The following SLC8A1 variants were observed in gnomAD, a reference collection of about 807,000 sequenced individuals.
SLC8A1 encodes the protein solute carrier family 8 member A1.
SLC8A1 carries 18 observed loss-of-function variants against 68.3 expected under a neutral mutation model. That is an observed-to-expected ratio of 0.26 (90% confidence interval 0.18 to 0.39). The LOEUF (loss-of-function observed/expected upper bound fraction) is 0.39, where lower values mean the gene tolerates loss of function less well. Ranked by LOEUF, SLC8A1 falls within the 10% of genes least tolerant of loss-of-function variation. The probability of loss-of-function intolerance (pLI) is 1.00; values close to 1 mark genes in which losing one functional copy is unlikely to be tolerated. For synonymous variants in SLC8A1, 475 were observed against 415.5 expected, an observed-to-expected ratio of 1.14 and a Z score of -1.74; for missense variants, 985 against 1,156.7, an observed-to-expected ratio of 0.85 and a Z score of 2.15.
chr2:40,145,191 T>G (rs902295703), intron 6 of SLC8A1, among the ~76,000 whole-genome samples: 4 of 134,320 alleles, frequency 3.0e-5, no homozygotes, highest in African/African-American at 1.2e-4. Flanking sequence ...AATATTTTTC[T>G]TTCTCTGTCT....
At chr2:40,270,390 G>T (rs1403989708) in intron 2 of SLC8A1, among the ~76,000 whole-genome samples, 3 of 152,222 alleles carry the variant, frequency 2.0e-5, no homozygotes, top group African/African-American at 7.2e-5. Context: ...TCTGACACAG[G>T]TCTTACTAGG....
chr2:40,384,742 T>A (rs762420978), intron 2 of SLC8A1, among the ~76,000 whole-genome samples: 5 of 152,112 alleles, frequency 3.3e-5, no homozygotes, highest in Non-Finnish European at 7.4e-5. Flanking sequence ...CCAAAAAATA[T>A]TTAAAAACCT....
chr2:40,378,063 C>T (rs577037046), intron 2 of SLC8A1, among the ~76,000 whole-genome samples: 4 of 152,168 alleles, frequency 2.6e-5, no homozygotes, highest in East Asian at 1.9e-4. Context: ...GTATGCAATG[C>T]GTTGTTCTAG....
chr2:40,320,023 G>C (rs2074993644), intron 2 of SLC8A1, among the ~76,000 whole-genome samples: 1 of 151,976 alleles, frequency 6.6e-6, no homozygotes, highest in South Asian at 2.1e-4. Context: ...ATAGAATGAT[G>C]GTCAAATGCC....
chr2:40,387,475 C>G lies in SLC8A1; in HGVS notation c.1808+40998G>C, dbSNP rs372594158. On this transcript the variant is annotated intron_variant, in intron 2 of 7. Transcript: ENST00000406785. ...TTGCAAAGCTAATTGAAACCAGATA[C>G]AAAACATCGCAGACAAACTACCTAA... is the stretch of plus-strand genomic sequence containing the variant. 3.3e-5 allele frequency among the ~76,000 whole-genome samples: 5 copies of G among 151,334 alleles called. No homozygotes were observed. The East Asian group carries it at 5.8e-4, about 18-fold the overall frequency.
At chr2:40,350,587 CAAAAAAAAAAAAAAAAA>C (rs572258156) in intron 2 of SLC8A1, among the ~76,000 whole-genome samples, 8 of 76,212 alleles carry the variant, frequency 1.0e-4, no homozygotes, top group Admixed American at 1.9e-4. Flanking sequence ...CCCAGACAAG[CAAAAAAAAAAAAAAAAA>C]AAAAAAAAAA....
At chr2:40,447,961 G>A (rs1260328139) in intron 1 of SLC8A1, among the ~76,000 whole-genome samples, 2 of 152,074 alleles carry the variant, frequency 1.3e-5, no homozygotes, top group East Asian at 3.9e-4. Context: ...TTAAACTTTT[G>A]TCTTGTTACT....
rs60972685 is a variant in SLC8A1 at position 40,492,473 on chromosome 2, C to T, written c.-25+19876G>A. Among the ~76,000 whole-genome samples, 52 of 152,192 alleles carry T rather than the reference C, an allele frequency of 3.4e-4. No individual in the cohort carries two copies. In the East Asian group the frequency reaches 8.9e-3, roughly 26 times the overall value. On this transcript the variant is annotated intron_variant, in intron 1 of 7. Transcript: ENST00000402441. ...TCAAAAACACCAAAAGCAATGGCAACAAAAGCCAAAATTGACAAATGGGAT... is the reference window on the plus strand; with the variant it reads ...TCAAAAACACCAAAAGCAATGGCAATAAAAGCCAAAATTGACAAATGGGAT...
chr2:40,175,330 A>ATAAT (rs1417028514), intron 3 of SLC8A1, 49 bp from the exon 4 acceptor site: 1 of 1,576,740 alleles, frequency 6.3e-7, no homozygotes, highest in Admixed American at 1.7e-5. Context: ...GACCAGATGA[A>ATAAT]TAATGAAAGT....
intron 2 of SLC8A1, among the ~76,000 whole-genome samples, chr2:40,216,395 A>T (rs1039917168): frequency 7.9e-5 from 12 of 152,088 alleles, no homozygotes; most frequent in Non-Finnish European, 1.8e-4. Flanking sequence ...TTCTTTATCT[A>T]GTCTATCATT....
chr2:40,205,271 T>C (rs1236519987), intron 2 of SLC8A1, among the ~76,000 whole-genome samples: 1 of 46,854 alleles, frequency 2.1e-5, no homozygotes, highest in Non-Finnish European at 5.8e-5. Flanking sequence ...AATAAAAACA[T>C]CGTTTATAAG....
exon 2 of SLC8A1, chr2:40,428,584 G>A: frequency 6.2e-7 from 1 of 1,613,814 alleles, no homozygotes; most frequent in Admixed American, 1.7e-5. Context: ...ATTTCCTCGA[G>A]CTCCAGATGT....
At chr2:40,282,043 C>G (rs962894463) in intron 2 of SLC8A1, among the ~76,000 whole-genome samples, 3 of 152,188 alleles carry the variant, frequency 2.0e-5, no homozygotes, top group African/African-American at 4.8e-5. Context: ...CTCCCCCACA[C>G]AAGAGCGTAC....
intron 1 of SLC8A1, among the ~76,000 whole-genome samples, chr2:40,494,057 C>T (rs1705515817): frequency 6.6e-6 from 1 of 151,330 alleles, no homozygotes. Context: ...GCTTTCTCTC[C>T]TTTACAGGCC....
chr2:40,151,083 T>C (rs1308970560), intron 6 of SLC8A1, among the ~76,000 whole-genome samples: 1 of 152,190 alleles, frequency 6.6e-6, no homozygotes, highest in Non-Finnish European at 1.5e-5. Flanking sequence ...TTACTAAGAA[T>C]ACTTAAGAAC....
intron 2 of SLC8A1, among the ~76,000 whole-genome samples, chr2:40,217,863 A>C (rs1195330413): frequency 5.3e-5 from 8 of 152,238 alleles, no homozygotes; most frequent in Admixed American, 2.6e-4. Flanking sequence ...AGGGTTAGAA[A>C]GTGAAAAATA....
upstream of SLC8A1, among the ~76,000 whole-genome samples, chr2:40,456,928 A>G (rs1703057060): frequency 6.6e-6 from 1 of 152,204 alleles, no homozygotes; most frequent in Admixed American, 6.5e-5. Flanking sequence ...CTCTGTAATG[A>G]AAAAAGCTGC....
At chr2:40,286,108 A>G (rs2068261948) in intron 2 of SLC8A1, among the ~76,000 whole-genome samples, 1 of 152,208 alleles carries the variant, frequency 6.6e-6, no homozygotes, top group Non-Finnish European at 1.5e-5. Flanking sequence ...CTAGTACACG[A>G]CAGACAGTAG....
chr2:40,283,009 A>G (rs1038311508), intron 2 of SLC8A1, among the ~76,000 whole-genome samples: 25 of 152,212 alleles, frequency 1.6e-4, no homozygotes, highest in African/African-American at 5.3e-4. Flanking sequence ...TTAGTTCACC[A>G]CAACTTATTC....
Sources: allele counts gnomAD v4.1 joint callset (sites outside exome capture counted in the v4.1 genomes callset), GRCh38; gene constraint gnomAD v4.1.1; transcripts MANE v1.5; gene names NCBI Gene and HGNC (gene_info 2026-07-23, HGNC 2026-07-21).